The following LTBP2 variants were observed in gnomAD, a reference collection of about 807,000 sequenced individuals.
The protein encoded by LTBP2 is latent-transforming growth factor beta-binding protein 2.
A neutral mutation model predicts 210.6 loss-of-function variants in LTBP2; 103 were observed. The ratio of observed to expected loss-of-function variants is 0.49; its 90% CI spans 0.42 to 0.58. LTBP2 has a LOEUF of 0.58. Ranked by LOEUF, LTBP2 falls within the 20% of genes least tolerant of loss-of-function variation. The pLI is 0.00. For synonymous variants in LTBP2, 1,007 were observed against 1,015.0 expected, an observed-to-expected ratio of 0.99 and a Z score of 0.15; for missense variants, 2,313 against 2,494.5, an observed-to-expected ratio of 0.93 and a Z score of 1.55.
Position 74,508,686 on chromosome 14 carries a change from G to A in LTBP2, c.3570C>T (p.Gly1190=), listed in dbSNP as rs759643276. 9.3e-6 allele frequency: 15 copies of A among 1,613,556 alleles called. No individual in the cohort carries two copies. Among genetic ancestry groups the A allele is most frequent in the African/African-American group, 2.7e-5 (2 of 74,904 alleles). The stretch of plus-strand genomic sequence containing the variant: ...AAGACCCGTGGCTGTTGAGGCACTC[G>A]CCGTGGGGTGCGCAGTGCTCCTCCC... ...CMGEEHCAPH[G]ECLNSHGSFF... The change falls in exon 24 of 36, where the codon GGC becomes GGT. Residue 1190 remains glycine, a synonymous_variant. Transcript: ENST00000261978.
At chr14:74,514,891 A>G (rs1262458415) in intron 18 of LTBP2, among the ~76,000 whole-genome samples, 1 of 152,158 alleles carries the variant, frequency 6.6e-6, no homozygotes, top group Non-Finnish European at 1.5e-5. Context: ...TGCGGGCTAC[A>G]TCATTCTTTC....
rs780180036 is a variant in LTBP2 at position 74,508,035 on chromosome 14, C to T, written c.3713G>A (p.Gly1238Asp). 14 of 1,613,844 alleles carry T rather than the reference C, an allele frequency of 8.7e-6. No individual in the cohort carries two copies. The highest frequency in any genetic ancestry group is 1.2e-5 in the Non-Finnish European group (14 of 1,180,030). ...AGTCTCACATAGACAGTTGAAGGAG[C>T]CCTCGGTGTTGACACAGTGCCCTCC... Reference protein sequence around the residue: ...CVGGHCVNTEGSFNCLCETGF... With the variant: ...CVGGHCVNTEDSFNCLCETGF... The change falls in exon 25 of 36, where the codon GGC becomes GAC. Residue 1238 changes from glycine (G) to aspartate (D), a missense_variant. Transcript: ENST00000261978.
chr14:74,563,870 T>C (rs2087830365), intron 3 of LTBP2, among the ~76,000 whole-genome samples: 1 of 148,880 alleles, frequency 6.7e-6, no homozygotes, highest in South Asian at 2.1e-4. Context: ...CTGTGTAACA[T>C]ACAGAAAATA....
rs2088212034 is a variant in LTBP2, at chr14:74,586,842, C to T, written c.566-724G>A. ...AGAAAGCACGGTGGCCAGAATATAG[C>T]TGCCGGCACCACAGCCGCTGCCGGC... On this transcript the variant is annotated intron_variant, in intron 2 of 35. Coordinates refer to ENST00000261978, the MANE Select transcript of LTBP2 (RefSeq NM_000428.3). The surrounding 1 kb of genome is among the most constrained non-coding windows in gnomAD (Gnocchi z 4.6). Among the ~76,000 whole-genome samples the T allele has an allele frequency of 6.6e-6, 1 of 152,210 alleles. No individual in the cohort carries two copies. Among genetic ancestry groups the T allele is most frequent in the African/African-American group, 2.4e-5 (1 of 41,452 alleles).
chr14:74,610,940 C>A (rs2088596929), intron 1 of LTBP2, among the ~76,000 whole-genome samples: 1 of 152,242 alleles, frequency 6.6e-6, no homozygotes, highest in African/African-American at 2.4e-5. Context: ...CGCCCCACGA[C>A]ACTTGTCCCG....
At chr14:74,589,550 T>C (rs140191670) in intron 2 of LTBP2, among the ~76,000 whole-genome samples, 164 of 152,308 alleles carry the variant, frequency 1.1e-3, no homozygotes, top group South Asian at 3.9e-3. Flanking sequence ...GGTAAAACCA[T>C]GTCAGAGAAT....
At chr14:74,565,359 T>C (rs2087889244) in intron 3 of LTBP2, among the ~76,000 whole-genome samples, 1 of 152,120 alleles carries the variant, frequency 6.6e-6, no homozygotes, top group Non-Finnish European at 1.5e-5. Context: ...ATGATGATTA[T>C]TGCAGTGAAA....
In LTBP2 at chr14:74,586,422, T is replaced by C. The variant is rs542304923; in HGVS notation, c.566-304A>G. Reference sequence around the variant, plus strand: ...AGGAAGTGCACTGCCTGACACTGTGTCTATACTGAAATGTTCACTCCCACC... The same window carrying C: ...AGGAAGTGCACTGCCTGACACTGTGCCTATACTGAAATGTTCACTCCCACC... On this transcript the variant is annotated intron_variant, in intron 2 of 35. Coordinates refer to ENST00000261978, the MANE Select transcript of LTBP2 (RefSeq NM_000428.3). This position sits in a 1 kb window ranked among gnomAD's most constrained non-coding sequence, Gnocchi z 4.6. Among the ~76,000 whole-genome samples, 1 of 152,214 alleles carries C rather than the reference T, an allele frequency of 6.6e-6. No homozygotes were observed. Among genetic ancestry groups the C allele is most frequent in the African/African-American group, 2.4e-5 (1 of 41,548 alleles).
chr14:74,534,188 C>T (rs1176750522), intron 9 of LTBP2, among the ~76,000 whole-genome samples: 1 of 152,140 alleles, frequency 6.6e-6, no homozygotes, highest in Admixed American at 6.5e-5. Flanking sequence ...GCCTCCATAC[C>T]CAAATCTGAC....
chr14:74,562,844 A>G (rs1481234162), intron 3 of LTBP2, among the ~76,000 whole-genome samples: 2 of 152,204 alleles, frequency 1.3e-5, no homozygotes, highest in African/African-American at 2.4e-5. Flanking sequence ...CCCTTCTGGA[A>G]AGCAATTTGG....
intron 3 of LTBP2, among the ~76,000 whole-genome samples, chr14:74,580,728 G>A (rs1376201762): frequency 6.6e-6 from 1 of 152,192 alleles, no homozygotes; most frequent in Admixed American, 6.5e-5. Flanking sequence ...CTTAGGCCAA[G>A]GCAGGAGGAT....
chr14:74,549,823 G>A, intron 8 of LTBP2, 40 bp downstream of exon 8: 1 of 1,538,524 alleles, frequency 6.5e-7, no homozygotes, highest in East Asian at 2.2e-5. Flanking sequence ...CCCAGGGAGA[G>A]CTTCCTCCAC....
At position 74,611,629 on chromosome 14, in the gene LTBP2, G is replaced by C. The variant is rs1391840621; in HGVS notation, c.316C>G (p.Pro106Ala). The change falls in exon 1 of 36, where the codon CCG (proline) becomes GCG (alanine). Residue 106 changes from proline to alanine, a missense_variant. By Grantham distance (27) the Pro-to-Ala change is conservative. Around this residue, in one of 3 missense-constraint regions of LTBP2, gnomAD observed 1,867 missense variants for 1,976.9 expected, o/e 0.94. Transcript: ENST00000261978. ...RRPTEAEARR[P>A]SRAQQSRRVQ... ...CGCCGCGACTGCTGCGCGCGGGACG[G>C]CCTCCTGGCCTCCGCCTCGGTGGGC... 9.0e-6 allele frequency: 14 copies of C among 1,556,780 alleles called. No individual in the cohort carries two copies. The highest frequency in any genetic ancestry group is 1.2e-5 in the Non-Finnish European group (14 of 1,156,962).
At chr14:74,550,693 T>G in intron 7 of LTBP2, among the ~76,000 whole-genome samples, 1 of 152,136 alleles carries the variant, frequency 6.6e-6, no homozygotes, top group East Asian at 1.9e-4. Context: ...AACTGTAGCC[T>G]CAACTGGATA....
At chr14:74,504,379 C>T (rs1252329242) in intron 30 of LTBP2, among the ~76,000 whole-genome samples, 1 of 152,224 alleles carries the variant, frequency 6.6e-6, no homozygotes, top group Non-Finnish European at 1.5e-5. Flanking sequence ...AGTACCTGGA[C>T]CATCCTACTG....
chr14:74,588,879 T>C (rs76465309), intron 2 of LTBP2, among the ~76,000 whole-genome samples: 255 of 152,314 alleles, frequency 1.7e-3, no homozygotes, highest in African/African-American at 5.7e-3. Context: ...TCTAGTTCTA[T>C]GTGACTGAGA....
At chr14:74,579,860 G>A (rs1595289722) in intron 3 of LTBP2, among the ~76,000 whole-genome samples, 3 of 152,220 alleles carry the variant, frequency 2.0e-5, no homozygotes, top group South Asian at 4.1e-4. Context: ...GTTGTGAGAT[G>A]TAAAACAAAA....
intron 34 of LTBP2, chr14:74,501,921 G>A (rs996064855): frequency 4.8e-6 from 2 of 417,344 alleles, no homozygotes; most frequent in South Asian, 2.4e-5. Flanking sequence ...TTGGGTTTGG[G>A]CGTGGGGAAG....
rs764658582 is a variant in LTBP2, at chr14:74,611,628, G to A, written c.317C>T (p.Pro106Leu). Residue 106 changes from proline to leucine, a missense_variant, in exon 1 of 36, where the codon CCG becomes CTG. Transcript: ENST00000261978. The part of the protein sequence containing the change: ...RRPTEAEARR[P>L]SRAQQSRRVQ... The stretch of plus-strand genomic sequence containing the variant: ...ACGCCGCGACTGCTGCGCGCGGGAC[G>A]GCCTCCTGGCCTCCGCCTCGGTGGG... 12 of 1,555,268 alleles carry A rather than the reference G, an allele frequency of 7.7e-6. 1 individual carries two copies. In the African/African-American group the frequency reaches 9.6e-5, roughly 12 times the overall value.
Sources: gnomAD v4.1 joint callset for allele counts (sites outside exome capture counted in the v4.1 genomes callset) on GRCh38, gnomAD v4.1.1 for gene constraint, gnomAD v4.1.1 regional missense constraint, Gnocchi (gnomAD v3.1) non-coding constraint, MANE v1.5 for transcripts, NCBI Gene and HGNC (gene_info 2026-07-23, HGNC 2026-07-21) for gene names.